SANBR: variants seen among roughly 807,000 people sequenced by gnomAD.
SANBR encodes the protein SANT and BTB domain regulator of class switch recombination.
A neutral mutation model predicts 101.8 loss-of-function variants in SANBR; 77 were observed. That is an observed-to-expected ratio of 0.76 (90% confidence interval 0.63 to 0.91). The LOEUF (loss-of-function observed/expected upper bound fraction) is 0.91, where lower values mean the gene tolerates loss of function less well. Ranked by LOEUF, SANBR falls within the 40% of genes least tolerant of loss-of-function variation. The pLI is 0.00. For missense variants in SANBR, 875 were observed against 853.0 expected (o/e 1.03, Z -0.32); for synonymous variants, 279 against 274.7 (o/e 1.02, Z -0.15).
Position 61,123,241 on chromosome 2 carries a change from ATTTT to A in SANBR, c.*1083_*1086del, listed in dbSNP as rs1449661630. ...AAAAACTTTAAGATGCACTGTTTCT[ATTTT>A]TTTAAGTCTTAATTTGCCTTATAAC... On this transcript the variant is annotated 3_prime_UTR_variant, in exon 22 of 22. Coordinates refer to ENST00000402291, the MANE Select transcript of SANBR (RefSeq NM_001129993.3). 1.0e-6 allele frequency: 1 copy of A among 974,410 alleles called. No homozygotes were observed. Among genetic ancestry groups the A allele is most frequent in the South Asian group, 4.7e-5 (1 of 21,070 alleles). 60.4% of individuals were successfully genotyped at this position (974,410 alleles called of 1,614,324 possible).
intron 16 of SANBR, among the ~76,000 whole-genome samples, chr2:61,111,262 G>A (rs974433847): frequency 3.9e-5 from 6 of 151,926 alleles, no homozygotes; most frequent in Non-Finnish European, 8.8e-5. Context: ...GCGTGGTGGC[G>A]GGCACCTGTA....
At chr2:61,083,939 T>C (rs1345706511) in intron 8 of SANBR, among the ~76,000 whole-genome samples, 3 of 151,946 alleles carry the variant, frequency 2.0e-5, no homozygotes, top group African/African-American at 7.3e-5. Context: ...TAATTTTTAC[T>C]CTCTCTTTTC....
At position 61,092,489 on chromosome 2, in the gene SANBR, T is replaced by C. The variant is rs772068950; in HGVS notation, c.1114T>C (p.Tyr372His). 6.2e-7 allele frequency: 1 copy of C among 1,601,766 alleles called. No homozygotes were observed. Among genetic ancestry groups the C allele is most frequent in the African/African-American group, 1.3e-5 (1 of 74,598 alleles). The stretch of plus-strand genomic sequence containing the variant: ...AGATAAGACATGGGATGTTCATGAG[T>C]ATTTGAATAGTCTTTTCGAAGAATT... ...IRDKTWDVHE[Y>H]LNSLFEELKS... The change falls in exon 11 of 22, where the codon TAT becomes CAT. Residue 372 changes from tyrosine to histidine, a missense_variant. Tyr to His is a moderately conservative substitution (Grantham distance 83). Transcript: ENST00000402291.
intron 20 of SANBR, among the ~76,000 whole-genome samples, chr2:61,132,300 GA>G (rs538445614): frequency 2.0e-5 from 3 of 152,282 alleles, no homozygotes; most frequent in African/African-American, 7.2e-5. Context: ...AATGTATAAA[GA>G]ATGCCTACAA....
chr2:61,117,971 T>A, intron 19 of SANBR, 57 bp from the exon 20 acceptor site: 2 of 1,315,336 alleles, frequency 1.5e-6, no homozygotes, highest in Non-Finnish European at 2.1e-6. Context: ...TTTTGAGAAA[T>A]AAAAAGTTAT....
chr2:61,078,987 CA>C (rs913075702), intron 6 of SANBR, among the ~76,000 whole-genome samples: 1 of 151,554 alleles, frequency 6.6e-6, no homozygotes, highest in Non-Finnish European at 1.5e-5. Flanking sequence ...TGCAGTGAGC[CA>C]AAATTGCACC....
chr2:61,103,622 G>A (rs1031333873), intron 12 of SANBR, among the ~76,000 whole-genome samples: 9 of 152,178 alleles, frequency 5.9e-5, no homozygotes, highest in South Asian at 2.1e-4. Flanking sequence ...TGGAGTGCTC[G>A]TAATGTTCTA....
Position 61,103,817 on chromosome 2 carries a change from AAACT to A in SANBR, c.1366-32_1366-29del, listed in dbSNP as rs760071499. The A allele has an allele frequency of 9.4e-6, 15 of 1,603,738 alleles. No homozygotes were observed. In the South Asian group the frequency reaches 1.7e-4, roughly 18 times the overall value. On this transcript the variant is annotated intron_variant, in intron 12 of 21. Coordinates refer to ENST00000402291, the MANE Select transcript of SANBR (RefSeq NM_001129993.3). ...GATCTTTAAAGGAGTGTTCTATAACAAACTAACCTCTAATTTATTGTCTCTTATG... is the reference window on the plus strand; with the variant it reads ...GATCTTTAAAGGAGTGTTCTATAACAAACCTCTAATTTATTGTCTCTTATG...
At chr2:61,128,186 C>T (rs1224550871), downstream of SANBR, among the ~76,000 whole-genome samples, 4 of 151,472 alleles carry the variant, frequency 2.6e-5, no homozygotes, top group Admixed American at 6.6e-5. Context: ...GCAGGAGAAT[C>T]GCTTGAACCC....
intron 13 of SANBR, among the ~76,000 whole-genome samples, chr2:61,104,523 T>G (rs1023487245): frequency 1.3e-5 from 2 of 151,278 alleles, no homozygotes; most frequent in African/African-American, 4.9e-5. Flanking sequence ...TTAAAAAGGT[T>G]AAGACCTTAA....
intron 10 of SANBR, among the ~76,000 whole-genome samples, chr2:61,091,043 T>C (rs1358436290): frequency 6.6e-6 from 1 of 151,776 alleles, no homozygotes; most frequent in Non-Finnish European, 1.5e-5. Context: ...GCCTCCCGAG[T>C]AAGCCTCTCT....
At chr2:61,097,168 T>C (rs1250836418) in intron 11 of SANBR, among the ~76,000 whole-genome samples, 1 of 152,018 alleles carries the variant, frequency 6.6e-6, no homozygotes, top group Non-Finnish European at 1.5e-5. Flanking sequence ...AAAGAAAGCA[T>C]CAAGGAATAA....
At chr2:61,097,422 CTT>C (rs887303789) in intron 11 of SANBR, among the ~76,000 whole-genome samples, 1 of 150,916 alleles carries the variant, frequency 6.6e-6, no homozygotes, top group African/African-American at 2.4e-5. Flanking sequence ...CTGCAATTCA[CTT>C]TTTTTTTGGT....
In SANBR at chr2:61,071,046, A is replaced by G. The variant is rs183494988; in HGVS notation, c.150+546A>G. 9.6e-4 allele frequency among the ~76,000 whole-genome samples: 146 copies of G among 152,106 alleles called. 1 individual carries two copies. The highest frequency in any genetic ancestry group is 3.1e-3 in the African/African-American group (129 of 41,504). On this transcript the variant is annotated intron_variant, in intron 3 of 21. Coordinates refer to ENST00000402291, the MANE Select transcript of SANBR (RefSeq NM_001129993.3). ...CTGGTCTTCCTTGTTTTACAAGAGC[A>G]TAAATATATATGCCTTTGAGTTAAA...
intron 1 of SANBR, among the ~76,000 whole-genome samples, chr2:61,068,034 G>A (rs370082030): frequency 6.6e-6 from 1 of 152,184 alleles, no homozygotes; most frequent in African/African-American, 2.4e-5. Context: ...TGACCTTCTC[G>A]TTAATTCAGT....
chr2:61,073,580 A>G (rs1559074007), intron 5 of SANBR, 29 bp downstream of exon 5: 1 of 1,221,250 alleles, frequency 8.2e-7, no homozygotes, highest in South Asian at 1.3e-5. Flanking sequence ...GCTAGATAAG[A>G]TTAAATATTA....
intron 8 of SANBR, among the ~76,000 whole-genome samples, chr2:61,083,834 A>G (rs1682276675): frequency 6.6e-6 from 1 of 150,586 alleles, no homozygotes; most frequent in Non-Finnish European, 1.5e-5. Flanking sequence ...ACGCCACTGC[A>G]CTCCAGCCTG....
At chr2:61,077,737 A>G (rs1681871286) in intron 6 of SANBR, among the ~76,000 whole-genome samples, 1 of 152,244 alleles carries the variant, frequency 6.6e-6, no homozygotes, top group Non-Finnish European at 1.5e-5. Context: ...CTGCACAGCA[A>G]CACATGATTC....
At chr2:61,075,659 G>A (rs1428582618) in intron 5 of SANBR, among the ~76,000 whole-genome samples, 1 of 152,052 alleles carries the variant, frequency 6.6e-6, no homozygotes, top group East Asian at 1.9e-4. Flanking sequence ...GTTTAAATAT[G>A]GAAATAAGTA....
Sources: gnomAD v4.1 joint callset for allele counts (sites outside exome capture counted in the v4.1 genomes callset) on GRCh38, gnomAD v4.1.1 for gene constraint, MANE v1.5 for transcripts, NCBI Gene and HGNC (gene_info 2026-07-23, HGNC 2026-07-21) for gene names.